SGMS1: variants seen among roughly 807,000 people sequenced by gnomAD.
SGMS1 encodes the protein phosphatidylcholine:ceramide cholinephosphotransferase 1.
A neutral mutation model predicts 46.2 loss-of-function variants in SGMS1; 13 were observed. The observed-to-expected ratio is 0.28, with a 90% confidence interval of 0.18 to 0.45. SGMS1 has a LOEUF of 0.45. Among genes scored for constraint, SGMS1 ranks in the 20% least tolerant of loss-of-function variants. The probability of loss-of-function intolerance (pLI) is 1.00; values close to 1 mark genes in which losing one functional copy is unlikely to be tolerated. For synonymous variants in SGMS1, 203 were observed against 187.8 expected, an observed-to-expected ratio of 1.08 and a Z score of -0.66; for missense variants, 324 against 519.9, an observed-to-expected ratio of 0.62 and a Z score of 3.66.
chr10:50,511,733 A>T (rs1415891336), intron 3 of SGMS1, among the ~76,000 whole-genome samples: 4 of 152,196 alleles, frequency 2.6e-5, no homozygotes, highest in Non-Finnish European at 5.9e-5. Context: ...ATGAAATCTT[A>T]TCAGAAAGTG....
At chr10:50,444,058 C>A (rs1045265151) in intron 5 of SGMS1, among the ~76,000 whole-genome samples, 35 of 152,040 alleles carry the variant, frequency 2.3e-4, no homozygotes, top group African/African-American at 7.7e-4. Context: ...TAAACAGAGA[C>A]ACAGAATTTT....
intron 6 of SGMS1, among the ~76,000 whole-genome samples, chr10:50,375,037 A>T (rs1848502763): frequency 6.6e-6 from 1 of 152,118 alleles, no homozygotes; most frequent in Admixed American, 6.5e-5. Context: ...GGACAGAGGG[A>T]ACAAGAAATT....
chr10:50,506,354 A>G (rs530592285), intron 3 of SGMS1, among the ~76,000 whole-genome samples: 1 of 152,326 alleles, frequency 6.6e-6, no homozygotes, highest in South Asian at 2.1e-4. Context: ...CGAGTTCAAT[A>G]AATATTGGAG....
chr10:50,383,167 TG>T (rs1848632385), intron 6 of SGMS1, among the ~76,000 whole-genome samples: 1 of 152,186 alleles, frequency 6.6e-6, no homozygotes, highest in Non-Finnish European at 1.5e-5. Flanking sequence ...GATGAAGACA[TG>T]GAGGCTCAGA....
intron 6 of SGMS1, among the ~76,000 whole-genome samples, chr10:50,432,155 T>A (rs1849410956): frequency 6.6e-6 from 1 of 152,200 alleles, no homozygotes; most frequent in Non-Finnish European, 1.5e-5. Context: ...ATTAGTGGTG[T>A]ATTAGAGCCA....
At chr10:50,458,594 C>T (rs907362339) in intron 5 of SGMS1, among the ~76,000 whole-genome samples, 3 of 151,970 alleles carry the variant, frequency 2.0e-5, no homozygotes, top group Non-Finnish European at 4.4e-5. Flanking sequence ...CTCCTGACCT[C>T]GTGATCTGCC....
intron 6 of SGMS1, among the ~76,000 whole-genome samples, chr10:50,394,430 A>G (rs1003832437): frequency 5.3e-5 from 8 of 152,224 alleles, no homozygotes; most frequent in African/African-American, 1.7e-4. Flanking sequence ...ACCATATTTT[A>G]TGACACCTGA....
chr10:50,624,300 G>A (rs945760808), upstream of SGMS1, among the ~76,000 whole-genome samples: 1 of 152,156 alleles, frequency 6.6e-6, no homozygotes, highest in African/African-American at 2.4e-5. Flanking sequence ...TCACAAAGCA[G>A]GGAACGCAAA....
intron 3 of SGMS1, among the ~76,000 whole-genome samples, chr10:50,502,335 G>A (rs527644981): frequency 1.3e-5 from 2 of 148,426 alleles, no homozygotes; most frequent in South Asian, 2.1e-4. Context: ...CAGCACAGCA[G>A]GAGAAGTCAG....
chr10:50,614,580 C>T (rs1049705044), intron 1 of SGMS1, among the ~76,000 whole-genome samples: 2 of 152,242 alleles, frequency 1.3e-5, no homozygotes, highest in Non-Finnish European at 2.9e-5. Flanking sequence ...CTGCCCCAAG[C>T]TCTTTGCCTC....
intron 6 of SGMS1, among the ~76,000 whole-genome samples, chr10:50,430,701 A>G (rs145345870): frequency 4.9e-4 from 74 of 152,256 alleles, no homozygotes; most frequent in African/African-American, 1.6e-3. Flanking sequence ...CTTGCCACCC[A>G]GGTAATTTCT....
chr10:50,577,373 A>C (rs1407231257), intron 2 of SGMS1, among the ~76,000 whole-genome samples: 2 of 152,204 alleles, frequency 1.3e-5, no homozygotes, highest in Non-Finnish European at 2.9e-5. Context: ...AGGAACAAGA[A>C]GACAGATTTG....
chr10:50,489,907 G>T (rs975519002), intron 3 of SGMS1, among the ~76,000 whole-genome samples: 2 of 152,186 alleles, frequency 1.3e-5, no homozygotes, highest in African/African-American at 4.8e-5. Context: ...CCAGGAGGTG[G>T]AGGTTGCAGT....
At chr10:50,589,363 G>A (rs1049928083) in intron 2 of SGMS1, among the ~76,000 whole-genome samples, 1 of 152,134 alleles carries the variant, frequency 6.6e-6, no homozygotes, top group South Asian at 2.1e-4. Flanking sequence ...CTGGGCTCAA[G>A]CGATCCTCCC....
chr10:50,554,030 T>C (rs1164766932), intron 2 of SGMS1, among the ~76,000 whole-genome samples: 1 of 152,084 alleles, frequency 6.6e-6, no homozygotes, highest in Non-Finnish European at 1.5e-5. Context: ...GCACCTACAA[T>C]CACCACCTAA....
At chr10:50,622,482 A>C (rs1302690620) in intron 1 of SGMS1, among the ~76,000 whole-genome samples, 1 of 152,222 alleles carries the variant, frequency 6.6e-6, no homozygotes. Context: ...CCAGGGAGCC[A>C]ACTAGAAACA....
chr10:50,431,263 C>T (rs1369979789), intron 6 of SGMS1, among the ~76,000 whole-genome samples: 3 of 152,086 alleles, frequency 2.0e-5, no homozygotes, highest in African/African-American at 4.8e-5. Flanking sequence ...CAAGTCCATC[C>T]CTGACTCAGC....
intron 6 of SGMS1, among the ~76,000 whole-genome samples, chr10:50,372,695 A>AAAAAACAAAAAAC (rs112585628): frequency 0.35 from 52,095 of 150,862 alleles, 9,180 homozygotes; most frequent in South Asian, 0.4. Flanking sequence ...TCTGTCTCAA[A>AAAAAACAAAAAAC]AAAAAACAAA....
At chr10:50,383,118 G>A (rs568118085) in intron 6 of SGMS1, among the ~76,000 whole-genome samples, 141 of 152,098 alleles carry the variant, frequency 9.3e-4, no homozygotes, top group African/African-American at 2.9e-3. Flanking sequence ...AAATTATCTC[G>A]GCAAAAATTT....
Sources: allele counts gnomAD v4.1 joint callset (sites outside exome capture counted in the v4.1 genomes callset), GRCh38; gene constraint gnomAD v4.1.1; transcripts MANE v1.5; gene names NCBI Gene and HGNC (gene_info 2026-07-23, HGNC 2026-07-21).